The following STS variants were observed in gnomAD, a reference collection of about 807,000 sequenced individuals.
The protein encoded by STS is steryl-sulfatase.
In STS, 7 loss-of-function variants were observed where a neutral mutation model predicts 26.8. The observed-to-expected ratio is 0.26, with a 90% CI of 0.15 to 0.49. The LOEUF is 0.49. Ranked by LOEUF, STS falls within the 20% of genes least tolerant of loss-of-function variation. The probability of loss-of-function intolerance (pLI) is 0.98; values close to 1 mark genes in which losing one functional copy is unlikely to be tolerated. For synonymous variants in STS, 199 were observed against 189.4 expected (o/e 1.05, Z -0.42); for missense variants, 434 against 465.6 (o/e 0.93, Z 0.63).
chrX:7,239,125 C>T (rs186165521), intron 2 of STS, among the ~76,000 whole-genome samples: 3 of 111,569 alleles, frequency 2.7e-5, no homozygotes, highest in South Asian at 3.8e-4. Flanking sequence ...GAAACAGATT[C>T]GCTAAATCAA....
intron 7 of STS, among the ~76,000 whole-genome samples, chrX:7,281,267 G>T (rs1924846521): frequency 9.0e-6 from 1 of 110,867 alleles, no homozygotes; most frequent in African/African-American, 3.3e-5. Flanking sequence ...TTTCAAACAA[G>T]AATGGCAAGT....
intron 2 of STS, among the ~76,000 whole-genome samples, chrX:7,213,440 A>G (rs1337608424): frequency 3.6e-5 from 4 of 110,995 alleles, no homozygotes; most frequent in Non-Finnish European, 5.7e-5. Context: ...CGAGAGTTGT[A>G]AAGGGGACCA....
At chrX:7,187,007 C>T (rs1374586198) in intron 1 of STS, among the ~76,000 whole-genome samples, 1 of 111,564 alleles carries the variant, frequency 9.0e-6, no homozygotes, top group Admixed American at 9.5e-5. Flanking sequence ...AGAGGTTTCC[C>T]ACCTTGAGGC....
chrX:7,179,317 C>T (rs866382348), intron 1 of STS, among the ~76,000 whole-genome samples: 3 of 110,899 alleles, frequency 2.7e-5, no homozygotes, highest in Middle Eastern at 4.8e-3. Context: ...AACCATCTTT[C>T]TCTAGTCCTT....
In STS at chrX:7,251,822, A is replaced by G. The variant is rs144895658; in HGVS notation, c.-4-1374A>G. Among the ~76,000 whole-genome samples, 590 of 110,766 alleles carry G rather than the reference A, an allele frequency of 5.3e-3. 1 individual carries two copies. The highest frequency in any genetic ancestry group is 9.1e-3 in the Non-Finnish European group (480 of 52,918). On this transcript the variant is annotated intron_variant, in intron 2 of 10. Coordinates refer to ENST00000674429, the MANE Select transcript of STS (RefSeq NM_001320752.2). ...ATAAAAATAAAAATATTACCCAGGC[A>G]TGGCAGTGTGCACCTGTAATTCTAG...
chrX:7,333,222 G>A (rs1253963637), intron 9 of STS, among the ~76,000 whole-genome samples: 1 of 112,055 alleles, frequency 8.9e-6, no homozygotes, highest in Non-Finnish European at 1.9e-5. Context: ...ATGGCCTAAT[G>A]GTATCATGGC....
At chrX:7,324,533 G>C (rs768738347) in intron 8 of STS, among the ~76,000 whole-genome samples, 1 of 111,491 alleles carries the variant, frequency 9.0e-6, no homozygotes, top group East Asian at 2.8e-4. Flanking sequence ...ATATATTTTG[G>C]GGTAAACTAC....
In STS at chrX:7,299,349, A is replaced by T. The variant is rs995045577; in HGVS notation, c.944-5697A>T. 1.0e-4 allele frequency among the ~76,000 whole-genome samples: 10 copies of T among 100,446 alleles called. No homozygotes were observed. The East Asian group carries it at 2.1e-3, about 21-fold the overall frequency. The allele number at this position is 100,446 out of a possible 115,157, so 87.2% of individuals were successfully genotyped here. On this transcript the variant is annotated intron_variant, in intron 7 of 10. Coordinates refer to ENST00000674429, the MANE Select transcript of STS (RefSeq NM_001320752.2). ...TTAGAAATATTATAAAACATAATTT[A>T]CATGTATACTTACAAAATTATAACA...
chrX:7,159,781 C>T (rs1328894141), intron 1 of STS, among the ~76,000 whole-genome samples: 1 of 112,308 alleles, frequency 8.9e-6, no homozygotes, highest in African/African-American at 3.2e-5. Flanking sequence ...GTGTGGGGCA[C>T]TGGGGGAGAG....
In STS at chrX:7,350,353, A is replaced by G. The variant is rs1244364766; in HGVS notation, c.*92A>G. 8 of 1,089,007 alleles carry G rather than the reference A, an allele frequency of 7.3e-6. No individual in the cohort carries two copies. The African/African-American group carries it at 7.3e-5, about 10-fold the overall frequency. The allele number at this position is 1,089,007 out of a possible 1,213,427, so 89.7% of individuals were successfully genotyped here. A position where few individuals can be genotyped will look rare whatever the true frequency, so the allele number is the denominator to read the frequency against. On this transcript the variant is annotated 3_prime_UTR_variant, in exon 11 of 11. Coordinates refer to ENST00000674429, the MANE Select transcript of STS (RefSeq NM_001320752.2). ...AGTGGCACTGGGGAAACATAACTCC[A>G]TCTACACCTTGGATTTGGACTGATT...
At chrX:7,339,665 G>A (rs970140665) in intron 10 of STS, among the ~76,000 whole-genome samples, 2 of 111,160 alleles carry the variant, frequency 1.8e-5, no homozygotes, top group Non-Finnish European at 3.8e-5. Flanking sequence ...TGATTTATGA[G>A]GTTAGAAAAG....
chrX:7,343,850 A>G (rs1256006859), intron 10 of STS, among the ~76,000 whole-genome samples: 1 of 112,259 alleles, frequency 8.9e-6, no homozygotes, highest in African/African-American at 3.2e-5. Context: ...AGACATTGCT[A>G]TCATCCTAGA....
At chrX:7,329,990 C>T (rs1005422611) in intron 9 of STS, among the ~76,000 whole-genome samples, 3 of 111,845 alleles carry the variant, frequency 2.7e-5, no homozygotes, top group Non-Finnish European at 3.8e-5. Flanking sequence ...GATGTGCTTA[C>T]GTGAGATTTC....
intron 1 of STS, among the ~76,000 whole-genome samples, chrX:7,152,254 G>C (rs1461446899): frequency 1.8e-5 from 2 of 111,796 alleles, no homozygotes; most frequent in Non-Finnish European, 3.8e-5. Flanking sequence ...GCCCGGCCAG[G>C]ATTATTATTT....
chrX:7,314,514 T>TTAGCA (rs1926624158), intron 8 of STS, among the ~76,000 whole-genome samples: 1 of 112,655 alleles, frequency 8.9e-6, no homozygotes, highest in Non-Finnish European at 1.9e-5. Flanking sequence ...AAGGGCCATT[T>TTAGCA]GGAATGATTG....
intron 1 of STS, among the ~76,000 whole-genome samples, chrX:7,165,845 T>C (rs145189619): frequency 1.2e-3 from 134 of 110,560 alleles, no homozygotes; most frequent in African/African-American, 4.2e-3. Flanking sequence ...ACCAAAAATA[T>C]CTTCAGACAT....
At chrX:7,288,240 G>A (rs1348061263) in intron 7 of STS, among the ~76,000 whole-genome samples, 1 of 106,773 alleles carries the variant, frequency 9.4e-6, no homozygotes, top group Non-Finnish European at 1.9e-5. Context: ...TCTGGGGCTT[G>A]TAATTGGAAG....
At chrX:7,323,679 C>G (rs1205932507) in intron 8 of STS, among the ~76,000 whole-genome samples, 1 of 111,822 alleles carries the variant, frequency 8.9e-6, no homozygotes, top group Non-Finnish European at 1.9e-5. Context: ...CAGCAATGAA[C>G]ATACAGGTAA....
chrX:7,234,889 G>T (rs1922240588), intron 2 of STS, among the ~76,000 whole-genome samples: 1 of 111,446 alleles, frequency 9.0e-6, no homozygotes, highest in South Asian at 3.8e-4. Context: ...TACCAATGAA[G>T]AGATCATTTA....
Sources: allele counts gnomAD v4.1 joint callset (sites outside exome capture counted in the v4.1 genomes callset), GRCh38; gene constraint gnomAD v4.1.1; transcripts MANE v1.5; gene names NCBI Gene and HGNC (gene_info 2026-07-23, HGNC 2026-07-21).